The following SYN3 variants were observed in gnomAD, a reference collection of about 807,000 sequenced individuals.
SYN3 encodes synapsin-3.
SYN3 carries 35 observed loss-of-function variants against 65.8 expected under a neutral mutation model. The observed-to-expected ratio is 0.53, with a 90% CI of 0.41 to 0.70. The LOEUF (loss-of-function observed/expected upper bound fraction) is 0.70. SYN3 is among the 30% of genes least tolerant of loss of function. The probability of loss-of-function intolerance (pLI) is 0.00; values close to 1 mark genes in which losing one functional copy is unlikely to be tolerated. For synonymous variants in SYN3, 270 were observed against 292.9 expected (o/e 0.92, Z 0.80); for missense variants, 680 against 749.0 (o/e 0.91, Z 1.08).
chr22:33,011,186 T>G (rs1341012390), intron 1 of SYN3, among the ~76,000 whole-genome samples: 1 of 152,216 alleles, frequency 6.6e-6, no homozygotes, highest in African/African-American at 2.4e-5. Flanking sequence ...TATCTCACCA[T>G]TAATGTGGTG....
intron 6 of SYN3, among the ~76,000 whole-genome samples, chr22:32,631,305 C>T (rs928742037): frequency 1.6e-5 from 1 of 60,954 alleles, no homozygotes; most frequent in African/African-American, 8.5e-5. Flanking sequence ...CAAAACGAAA[C>T]AAGCAAAAAA....
intron 6 of SYN3, among the ~76,000 whole-genome samples, chr22:32,686,957 C>T (rs1440498191): frequency 6.6e-6 from 1 of 151,932 alleles, no homozygotes; most frequent in Non-Finnish European, 1.5e-5. Flanking sequence ...AACTAAATAT[C>T]AGCAGAGCTG....
intron 2 of SYN3, among the ~76,000 whole-genome samples, chr22:32,992,511 C>G (rs769772935): frequency 2.0e-5 from 3 of 152,132 alleles, no homozygotes; most frequent in Non-Finnish European, 1.5e-5. Flanking sequence ...TGGCCTTACA[C>G]CACTTAAAAA....
At chr22:32,905,523 G>A (rs1324733725) in intron 4 of SYN3, among the ~76,000 whole-genome samples, 1 of 152,246 alleles carries the variant, frequency 6.6e-6, no homozygotes, top group Non-Finnish European at 1.5e-5. Context: ...CTGAGCACTT[G>A]CTGTGCGCCA....
intron 6 of SYN3, among the ~76,000 whole-genome samples, chr22:32,691,037 T>G (rs1488680998): frequency 6.6e-6 from 1 of 152,052 alleles, no homozygotes; most frequent in Non-Finnish European, 1.5e-5. Context: ...GGGTGACACA[T>G]TTGTGGAATA....
In SYN3 at chr22:32,511,310, G is replaced by A. The variant is rs565225376; in HGVS notation, c.*2382C>T. ...CACCTGACCTCCCCCAAGCATGACT[G>A]TGGGATATTGACCCCAGGACCCCCA... On this transcript the variant is annotated 3_prime_UTR_variant, in exon 14 of 14. Transcript: ENST00000358763. Among the ~76,000 whole-genome samples, 473 of 152,244 alleles carry A rather than the reference G, an allele frequency of 3.1e-3. 1 individual carries two copies. Among genetic ancestry groups the A allele is most frequent in the African/African-American group, 0.011 (450 of 41,540 alleles).
intron 2 of SYN3, among the ~76,000 whole-genome samples, chr22:33,005,950 G>A (rs941437862): frequency 1.3e-5 from 2 of 152,158 alleles, no homozygotes; most frequent in African/African-American, 4.8e-5. Context: ...AGCAGGCTCT[G>A]AACTATACTC....
chr22:32,674,628 C>T (rs1244633958), intron 6 of SYN3, among the ~76,000 whole-genome samples: 13 of 152,270 alleles, frequency 8.5e-5, no homozygotes, highest in South Asian at 6.2e-4. Context: ...GTCACAGAAA[C>T]GTCACTCTGG....
At chr22:32,908,235 A>T (rs1411297928) in intron 4 of SYN3, among the ~76,000 whole-genome samples, 1 of 151,852 alleles carries the variant, frequency 6.6e-6, no homozygotes, top group African/African-American at 2.4e-5. Flanking sequence ...ATAAGTGCCC[A>T]CTACCACGCC....
intron 6 of SYN3, among the ~76,000 whole-genome samples, chr22:32,650,002 A>C (rs550188377): frequency 4.9e-4 from 74 of 152,332 alleles, no homozygotes; most frequent in Non-Finnish European, 9.6e-4. Context: ...CTTTGATTTC[A>C]TAAAATTCAG....
At chr22:32,742,398 G>A (rs1036655588) in intron 6 of SYN3, among the ~76,000 whole-genome samples, 3 of 152,180 alleles carry the variant, frequency 2.0e-5, no homozygotes, top group African/African-American at 4.8e-5. Context: ...GAAATCTCTG[G>A]AAAAGAAGAG....
chr22:32,800,518 C>T (rs968107761), intron 6 of SYN3, among the ~76,000 whole-genome samples: 3 of 152,126 alleles, frequency 2.0e-5, no homozygotes, highest in African/African-American at 7.2e-5. Flanking sequence ...AGCTATAATA[C>T]GGTGAGATAC....
intron 6 of SYN3, among the ~76,000 whole-genome samples, chr22:32,794,750 G>A (rs970335969): frequency 1.3e-5 from 2 of 152,204 alleles, no homozygotes; most frequent in African/African-American, 2.4e-5. Context: ...AGAGGCCTGA[G>A]AGGGGGTGGT....
chr22:32,536,565 A>G (rs1228373099), intron 9 of SYN3, among the ~76,000 whole-genome samples: 3 of 152,200 alleles, frequency 2.0e-5, no homozygotes, highest in African/African-American at 7.2e-5. Context: ...TAGGCCTCCA[A>G]TCACAGCGTT....
intron 6 of SYN3, among the ~76,000 whole-genome samples, chr22:32,682,493 C>T (rs757307678): frequency 4.6e-5 from 7 of 152,048 alleles, no homozygotes; most frequent in South Asian, 2.1e-4. Flanking sequence ...AGATGTAGGA[C>T]GACTCATCCC....
At chr22:33,037,685 G>C (rs1455513369) in intron 1 of SYN3, among the ~76,000 whole-genome samples, 3 of 152,146 alleles carry the variant, frequency 2.0e-5, no homozygotes, top group Non-Finnish European at 1.5e-5. Flanking sequence ...CAGTGAAGAA[G>C]CCACTGGTGG....
At chr22:32,819,156 G>A (rs1451125206) in intron 6 of SYN3, among the ~76,000 whole-genome samples, 2 of 152,246 alleles carry the variant, frequency 1.3e-5, no homozygotes, top group African/African-American at 4.8e-5. Flanking sequence ...CCACTAGGGA[G>A]TGAGGTAGTG....
chr22:32,747,649 G>A (rs1442954102), intron 6 of SYN3, among the ~76,000 whole-genome samples: 1 of 152,196 alleles, frequency 6.6e-6, no homozygotes, highest in Non-Finnish European at 1.5e-5. Flanking sequence ...TTGAACCCAA[G>A]ATGTGAGACT....
At chr22:32,943,960 G>C (rs1371308012) in intron 3 of SYN3, among the ~76,000 whole-genome samples, 2 of 152,116 alleles carry the variant, frequency 1.3e-5, no homozygotes, top group African/African-American at 4.8e-5. Context: ...AGTCCTTAGA[G>C]ACTTAACAAA....
Sources: gnomAD v4.1 joint callset for allele counts (sites outside exome capture counted in the v4.1 genomes callset) on GRCh38, gnomAD v4.1.1 for gene constraint, MANE v1.5 for transcripts, NCBI Gene and HGNC (gene_info 2026-07-23, HGNC 2026-07-21) for gene names.